The following EVA1C variants were observed in gnomAD, a reference collection of about 807,000 sequenced individuals.
The protein encoded by EVA1C is eva-1 homolog C.
A neutral mutation model predicts 45.4 loss-of-function variants in EVA1C; 25 were observed. The ratio of observed to expected loss-of-function variants is 0.55; its 90% CI spans 0.40 to 0.77. The LOEUF is 0.77. EVA1C is among the 30% of genes least tolerant of loss of function. The pLI, the probability that EVA1C is intolerant of heterozygous loss-of-function variation, is 0.00. For synonymous variants in EVA1C, 190 were observed against 221.2 expected, an observed-to-expected ratio of 0.86 and a Z score of 1.25; for missense variants, 479 against 554.8, an observed-to-expected ratio of 0.86 and a Z score of 1.37.
intron 5 of EVA1C, among the ~76,000 whole-genome samples, chr21:32,500,561 A>C: frequency 6.6e-6 from 1 of 152,146 alleles, no homozygotes. Context: ...ACTACCCTCC[A>C]GTTTTAAAAC....
At chr21:32,456,388 T>C (rs1174148359) in intron 2 of EVA1C, among the ~76,000 whole-genome samples, 1 of 152,196 alleles carries the variant, frequency 6.6e-6, no homozygotes, top group Non-Finnish European at 1.5e-5. Flanking sequence ...GTCTGCTCTG[T>C]GGTTGTAACA....
chr21:32,448,766 A>G (rs745640911), intron 1 of EVA1C, among the ~76,000 whole-genome samples: 1 of 151,902 alleles, frequency 6.6e-6, no homozygotes, highest in Non-Finnish European at 1.5e-5. Context: ...AAAATTAGCC[A>G]GGCGTGGTGG....
chr21:32,450,223 G>C (rs1249796443), intron 1 of EVA1C, among the ~76,000 whole-genome samples: 2 of 152,150 alleles, frequency 1.3e-5, no homozygotes, highest in African/African-American at 4.8e-5. Context: ...GTTTAGCGGG[G>C]ATAGACTATG....
intron 1 of EVA1C, among the ~76,000 whole-genome samples, chr21:32,448,217 G>A (rs2035436224): frequency 6.6e-6 from 1 of 152,192 alleles, no homozygotes. Context: ...AGCCTGTCCT[G>A]CTGTCACCCA....
chr21:32,432,022 C>T (rs2034724723), intron 1 of EVA1C, among the ~76,000 whole-genome samples: 1 of 152,132 alleles, frequency 6.6e-6, no homozygotes, highest in African/African-American at 2.4e-5. Flanking sequence ...TAGCCTGGAA[C>T]AGCTCCTCAG....
rs34623485 is a variant in EVA1C, at chr21:32,467,905, A to AATATATATATAT, written c.634+62_634+73dup. On this transcript the variant is annotated intron_variant, in intron 4 of 7. Coordinates refer to ENST00000300255, the MANE Select transcript of EVA1C (RefSeq NM_058187.5). The stretch of plus-strand genomic sequence containing the variant: ...TTCTCTAGAGGGACAGAATTAATAG[A>AATATATATATAT]ATATATATATATATATCCTATATAT... 1.3e-4 allele frequency: 138 copies of AATATATATATAT among 1,025,444 alleles called. 1 individual carries two copies. The African/African-American group carries it at 2.0e-3, about 15-fold the overall frequency. 63.5% of individuals were successfully genotyped at this position (1,025,444 alleles called of 1,614,324 possible).
intron 6 of EVA1C, 109 bp from the exon 7 acceptor site, chr21:32,503,817 G>C: frequency 3.0e-6 from 2 of 677,566 alleles, no homozygotes; most frequent in Non-Finnish European, 5.0e-6. Context: ...TGATTTCTGT[G>C]ACTTTTAATT....
chr21:32,512,577 G>A (rs1008525676), intron 7 of EVA1C, among the ~76,000 whole-genome samples: 1 of 152,122 alleles, frequency 6.6e-6, no homozygotes, highest in African/African-American at 2.4e-5. Flanking sequence ...GAGAGGAGGG[G>A]AGGGGGCCAC....
intron 1 of EVA1C, among the ~76,000 whole-genome samples, chr21:32,438,953 A>G (rs765598544): frequency 2.0e-5 from 3 of 152,062 alleles, no homozygotes; most frequent in Non-Finnish European, 4.4e-5. Flanking sequence ...CATAAGATTG[A>G]AGCCAGGCTC....
In EVA1C at chr21:32,512,987, G is replaced by GTATAATACTTACAATAATATAGTAAGTAT. The variant is rs577984617; in HGVS notation, c.950-1805_950-1777dup. On this transcript the variant is annotated intron_variant, in intron 7 of 7. Transcript: ENST00000300255. ...ACTTACAGTATACAGGCTTCCATCT[G>GTATAATACTTACAATAATATAGTAAGTAT]TATAATACTTACAATAATATAGTAA... Among the ~76,000 whole-genome samples, 388 of 151,284 alleles carry GTATAATACTTACAATAATATAGTAAGTAT rather than the reference G, an allele frequency of 2.6e-3. 3 individuals carry two copies. Among genetic ancestry groups the GTATAATACTTACAATAATATAGTAAGTAT allele is most frequent in the African/African-American group, 8.6e-3 (352 of 41,000 alleles).
intron 4 of EVA1C, among the ~76,000 whole-genome samples, chr21:32,475,927 C>CTATCTATA (rs1568924705): frequency 1.5e-4 from 23 of 150,296 alleles, no homozygotes; most frequent in African/African-American, 4.7e-4. Flanking sequence ...ATCTATCTAT[C>CTATCTATA]TATATAAACA....
chr21:32,480,971 A>T (rs10775650), intron 4 of EVA1C, among the ~76,000 whole-genome samples: 56,183 of 151,666 alleles, frequency 0.37, 10,714 homozygotes, highest in East Asian at 0.48. Context: ...CAAAAAAAAA[A>T]AAATAAATAA....
At chr21:32,501,033 G>A (rs746802550) in intron 5 of EVA1C, among the ~76,000 whole-genome samples, 5 of 152,038 alleles carry the variant, frequency 3.3e-5, no homozygotes, top group East Asian at 1.9e-4. Context: ...GGCTGGTCTC[G>A]AACTCCTGAC....
chr21:32,418,363 T>C (rs2034134822), intron 1 of EVA1C, among the ~76,000 whole-genome samples: 1 of 152,164 alleles, frequency 6.6e-6, no homozygotes, highest in South Asian at 2.1e-4. Flanking sequence ...AGTGACTACA[T>C]CTGAAAAGTT....
Position 32,467,974 on chromosome 21 carries a change from C to T in EVA1C, c.634+126C>T, listed in dbSNP as rs1205069608. The T allele has an allele frequency of 4.1e-5, 23 of 559,604 alleles. No individual in the cohort carries two copies. In the East Asian group the frequency reaches 8.4e-4, roughly 20 times the overall value. 34.7% of individuals were successfully genotyped at this position (559,604 alleles called of 1,614,324 possible). ...AGTCAATACTTAACACAATCACGAT[C>T]TTGTGATCGTGTAAGTTAATACTTA... On this transcript the variant is annotated intron_variant, in intron 4 of 7. Transcript: ENST00000300255.
intron 4 of EVA1C, among the ~76,000 whole-genome samples, chr21:32,476,253 G>A (rs9984001): frequency 9.2e-4 from 139 of 151,838 alleles, no homozygotes; most frequent in African/African-American, 3.2e-3. Flanking sequence ...CCCTATCCTC[G>A]GGTTTTTTGT....
At chr21:32,450,291 G>A (rs1046490552) in intron 1 of EVA1C, among the ~76,000 whole-genome samples, 6 of 152,096 alleles carry the variant, frequency 3.9e-5, no homozygotes, top group African/African-American at 1.2e-4. Context: ...TCCCACTCAC[G>A]TGACAGTCTG....
At chr21:32,501,262 A>G (rs1189846462) in intron 5 of EVA1C, among the ~76,000 whole-genome samples, 153 bp from the exon 6 acceptor site, 3 of 151,876 alleles carry the variant, frequency 2.0e-5, no homozygotes, top group Non-Finnish European at 4.4e-5. Context: ...GTTTGTGTGT[A>G]TATGTGTGTA....
At chr21:32,475,526 T>C (rs964148352) in intron 4 of EVA1C, among the ~76,000 whole-genome samples, 1 of 151,360 alleles carries the variant, frequency 6.6e-6, no homozygotes, top group African/African-American at 2.4e-5. Flanking sequence ...CTGTTTTACG[T>C]AATGGCAGTT....
Sources: allele counts gnomAD v4.1 joint callset (sites outside exome capture counted in the v4.1 genomes callset), GRCh38; gene constraint gnomAD v4.1.1; transcripts MANE v1.5; gene names NCBI Gene and HGNC (gene_info 2026-07-23, HGNC 2026-07-21).